The following REPS1 variants were observed in gnomAD, a reference collection of about 807,000 sequenced individuals.
REPS1 encodes RALBP1 associated Eps domain containing 1.
A neutral mutation model predicts 100.9 loss-of-function variants in REPS1; 39 were observed. The ratio of observed to expected loss-of-function variants is 0.39; its 90% CI spans 0.30 to 0.50. The LOEUF (loss-of-function observed/expected upper bound fraction) is 0.50, where lower values mean the gene tolerates loss of function less well. Ranked by LOEUF, REPS1 falls within the 20% of genes least tolerant of loss-of-function variation. The pLI is 0.86. For synonymous variants in REPS1, 324 were observed against 340.3 expected, an observed-to-expected ratio of 0.95 and a Z score of 0.53; for missense variants, 821 against 968.5, an observed-to-expected ratio of 0.85 and a Z score of 2.02.
intron 9 of REPS1, chr6:138,927,217 A>C (rs1366998371): frequency 6.6e-6 from 1 of 152,190 alleles, no homozygotes; most frequent in Non-Finnish European, 1.5e-5. Flanking sequence ...CAATGAGAGC[A>C]AATCAAGCAT....
intron 1 of REPS1, among the ~76,000 whole-genome samples, chr6:138,957,724 G>A (rs537264758): frequency 2.0e-5 from 3 of 152,286 alleles, no homozygotes; most frequent in Non-Finnish European, 4.4e-5. Context: ...AGAACTCAAC[G>A]GCTATGAAGG....
chr6:138,958,243 C>T (rs1053851824), intron 1 of REPS1, among the ~76,000 whole-genome samples: 6 of 152,026 alleles, frequency 3.9e-5, no homozygotes, highest in South Asian at 2.1e-4. Context: ...TTAATAAGTT[C>T]GAAGTGGTTT....
intron 8 of REPS1, among the ~76,000 whole-genome samples, chr6:138,932,161 TG>T (rs1272439899): frequency 6.6e-6 from 1 of 152,170 alleles, no homozygotes; most frequent in Non-Finnish European, 1.5e-5. Flanking sequence ...GGAATATTTC[TG>T]GTTCACTGGT....
At chr6:138,944,661 AG>A in intron 4 of REPS1, 39 bp from the exon 5 acceptor site, 5 of 1,575,752 alleles carry the variant, frequency 3.2e-6, no homozygotes, top group Non-Finnish European at 4.3e-6. Context: ...CTCATGTTTG[AG>A]GAAAAAAGTT....
At chr6:138,914,367 C>A (rs1323092879) in intron 15 of REPS1, among the ~76,000 whole-genome samples, 2 of 152,118 alleles carry the variant, frequency 1.3e-5, no homozygotes, top group African/African-American at 4.8e-5. Flanking sequence ...ACCACTGCAC[C>A]CAGCCTGGTG....
intron 8 of REPS1, among the ~76,000 whole-genome samples, chr6:138,936,479 A>G (rs1781845001): frequency 6.6e-6 from 1 of 151,936 alleles, no homozygotes; most frequent in Non-Finnish European, 1.5e-5. Context: ...GACCAATTTC[A>G]TTAAATGGTG....
chr6:138,913,008 A>G (rs1780114134), intron 15 of REPS1, 58 bp from the exon 16 acceptor site: 1 of 1,429,500 alleles, frequency 7.0e-7, no homozygotes, highest in Non-Finnish European at 9.5e-7. Flanking sequence ...AGTGTCACAG[A>G]GTCATCTTCT....
chr6:138,947,714 C>T (rs926337990), intron 2 of REPS1, 76 bp downstream of exon 2: 3 of 1,279,372 alleles, frequency 2.3e-6, no homozygotes, highest in Non-Finnish European at 1.1e-6. Context: ...CAGAAAGACA[C>T]AAGAGTTCTA....
At position 138,943,591 on chromosome 6, in the gene REPS1, C is replaced by T; in HGVS notation, c.917-15G>A. On this transcript the variant is annotated splice_polypyrimidine_tract_variant and intron_variant, in intron 6 of 19. Coordinates refer to ENST00000450536, the MANE Select transcript of REPS1 (RefSeq NM_001286611.2). ...AGCTGCAGATCCTGAAATATTAAAACAGTGTTGTTTAATGTTATTCTGAAC... is the reference window on the plus strand; with the variant it reads ...AGCTGCAGATCCTGAAATATTAAAATAGTGTTGTTTAATGTTATTCTGAAC... The T allele has an allele frequency of 6.5e-7, 1 of 1,545,986 alleles. No homozygotes were observed. The highest frequency in any genetic ancestry group is 8.9e-7 in the Non-Finnish European group (1 of 1,121,152).
At chr6:138,958,082 C>G (rs1466399162) in intron 1 of REPS1, among the ~76,000 whole-genome samples, 1 of 152,102 alleles carries the variant, frequency 6.6e-6, no homozygotes, top group Non-Finnish European at 1.5e-5. Context: ...TCAAAGGTAA[C>G]AGAGAACCTG....
At chr6:138,931,764 T>C (rs909115717) in intron 8 of REPS1, among the ~76,000 whole-genome samples, 4 of 148,394 alleles carry the variant, frequency 2.7e-5, no homozygotes, top group Admixed American at 1.3e-4. Context: ...ATAGTTTTCA[T>C]TGGGAAAAAA....
At chr6:138,912,061 C>A (rs892382935) in intron 16 of REPS1, among the ~76,000 whole-genome samples, 3 of 152,108 alleles carry the variant, frequency 2.0e-5, no homozygotes, top group African/African-American at 7.2e-5. Context: ...CCCTAATGGG[C>A]ACGGCAGAAA....
At position 138,911,838 on chromosome 6, in the gene REPS1, G is replaced by C. The variant is rs115379487; in HGVS notation, c.1972-467C>G. 7.4e-3 allele frequency among the ~76,000 whole-genome samples: 1,122 copies of C among 151,488 alleles called. 8 individuals carry two copies. The highest frequency in any genetic ancestry group is 0.025 in the African/African-American group (1,035 of 41,256). On this transcript the variant is annotated intron_variant, in intron 16 of 19. Transcript: ENST00000450536. Reference sequence around the variant, plus strand: ...GGATGCAGCTATGTAATAGATGTGTGAGGGAGAGGAGGACAGGCGAGGATG... The same window carrying C: ...GGATGCAGCTATGTAATAGATGTGTCAGGGAGAGGAGGACAGGCGAGGATG...
chr6:138,984,427 AG>A (rs1338629311), intron 1 of REPS1, among the ~76,000 whole-genome samples: 1 of 152,114 alleles, frequency 6.6e-6, no homozygotes, highest in Admixed American at 6.5e-5. Flanking sequence ...AGTCCAGGTT[AG>A]GGTTTCTCAG....
At chr6:138,947,764 C>A (rs201583575) in intron 2 of REPS1, 26 bp downstream of exon 2, 3 of 1,481,240 alleles carry the variant, frequency 2.0e-6, no homozygotes, top group South Asian at 2.9e-5. Flanking sequence ...TATTTTCTTT[C>A]GGTTACTAGT....
In REPS1 at chr6:138,903,895, C is replaced by T. The variant is rs182638255; in HGVS notation, c.*1169G>A. The T allele has an allele frequency of 6.6e-6, 1 of 152,122 alleles. No individual in the cohort carries two copies. Among genetic ancestry groups the T allele is most frequent in the African/African-American group, 2.4e-5 (1 of 41,422 alleles). 9.4% of individuals were successfully genotyped at this position (152,122 alleles called of 1,614,324 possible). On this transcript the variant is annotated 3_prime_UTR_variant, in exon 20 of 20. Transcript: ENST00000450536. ...AAATTCTTGTTTACAGTAACAAAGT[C>T]TATCGGTGCAGTTTAGGACTGTGAA...
Position 138,926,628 on chromosome 6 carries a change from T to C in REPS1, c.1258-147A>G, listed in dbSNP as rs915018070. The C allele has an allele frequency of 4.9e-6, 3 of 614,134 alleles. No homozygotes were observed. In the African/African-American group the frequency reaches 5.8e-5, roughly 12 times the overall value. The allele number at this position is 614,134 out of a possible 1,614,324, so 38.0% of individuals were successfully genotyped here. A position where few individuals can be genotyped will look rare whatever the true frequency, so the allele number is the denominator to read the frequency against. On this transcript the variant is annotated intron_variant, in intron 9 of 19. Coordinates refer to ENST00000450536, the MANE Select transcript of REPS1 (RefSeq NM_001286611.2). ...AAATTCAGTAATTTCTATTTTTCCG[T>C]CAACATTTTATATTTATTCTGGGTC...
intron 19 of REPS1, 76 bp from the exon 20 acceptor site, chr6:138,905,208 C>T: frequency 2.3e-6 from 2 of 868,246 alleles, no homozygotes; most frequent in South Asian, 1.5e-5. Context: ...AGCTCTGCTT[C>T]AAGAAAACAA....
intron 4 of REPS1, 44 bp downstream of exon 4, chr6:138,945,175 C>A (rs1015656049): frequency 1.3e-6 from 2 of 1,524,864 alleles, no homozygotes; most frequent in Non-Finnish European, 1.8e-6. Context: ...GCAAGACCAG[C>A]CTGGGCAACA....
Sources: gnomAD v4.1 joint callset for allele counts (sites outside exome capture counted in the v4.1 genomes callset) on GRCh38, gnomAD v4.1.1 for gene constraint, MANE v1.5 for transcripts, NCBI Gene and HGNC (gene_info 2026-07-23, HGNC 2026-07-21) for gene names.